Variants in HIF3A observed in about 807,000 individuals in gnomAD.
HIF3A encodes the protein hypoxia inducible factor 3 subunit alpha.
A neutral mutation model predicts 67.2 loss-of-function variants in HIF3A; 41 were observed. The ratio of observed to expected loss-of-function variants is 0.61; its 90% CI spans 0.48 to 0.79. The LOEUF (loss-of-function observed/expected upper bound fraction) is 0.79, where lower values mean the gene tolerates loss of function less well. HIF3A is among the 30% of genes least tolerant of loss of function. The pLI, the probability that HIF3A is intolerant of heterozygous loss-of-function variation, is 0.00. For synonymous variants in HIF3A, 356 were observed against 374.8 expected (o/e 0.95, Z 0.58); for missense variants, 855 against 898.0 (o/e 0.95, Z 0.61).
At chr19:46,304,978 C>T in intron 2 of HIF3A, 1 of 550,918 alleles carries the variant, frequency 1.8e-6, no homozygotes. Context: ...GGAGGCCCAC[C>T]CACATCCTTA....
chr19:46,343,275 G>A lies in HIF3A; in HGVS notation c.*3653G>A, dbSNP rs900491330. 3 of 152,694 alleles carry A rather than the reference G, an allele frequency of 2.0e-5. No homozygotes were observed. The highest frequency in any genetic ancestry group is 7.2e-5 in the African/African-American group (3 of 41,442). 9.5% of individuals were successfully genotyped at this position (152,694 alleles called of 1,614,324 possible). A position where few individuals can be genotyped will look rare whatever the true frequency, so the allele number is the denominator to read the frequency against. ...GCCTATCCAGATTGGTGCTATGGGG[G>A]GGTCTGACCCCTCCCTCCTCCCTCT... On this transcript the variant is annotated 3_prime_UTR_variant, in exon 15 of 15. Coordinates refer to ENST00000377670, the MANE Select transcript of HIF3A (RefSeq NM_152795.4).
chr19:46,324,985 T>TTGTGTGTGTGTGTGTGTGTG (rs542186240), intron 10 of HIF3A, among the ~76,000 whole-genome samples: 4 of 127,928 alleles, frequency 3.1e-5, no homozygotes, highest in African/African-American at 1.2e-4. Context: ...CACACATATA[T>TTGTGTGTGTGTGTGTGTGTG]TGTGTGTGTG....
Position 46,329,478 on chromosome 19 carries a change from G to T in HIF3A, c.1712G>T (p.Arg571Met). 6.6e-7 allele frequency: 1 copy of T among 1,511,826 alleles called. No individual in the cohort carries two copies. Among genetic ancestry groups the T allele is most frequent in the Non-Finnish European group, 8.9e-7 (1 of 1,129,650 alleles). The allele number at this position is 1,511,826 out of a possible 1,614,324, so 93.7% of individuals were successfully genotyped here. A position where few individuals can be genotyped will look rare whatever the true frequency, so the allele number is the denominator to read the frequency against. ...TCTCCCATGGCTGGGGCTCGGAAGA[G>T]GTGAGCCACAGTAAAGGGGGGACAT... ...ASSPMAGARK[R>M]TLAQSSEDED... is the part of the protein sequence containing the mutation. Residue 571 changes from arginine (R) to methionine (M), a missense_variant and splice_region_variant, in exon 12 of 15, where the codon AGG (arginine) becomes ATG (methionine). By Grantham distance (91) the Arg-to-Met change is moderately conservative. Transcript: ENST00000377670.
rs12986390 is a variant in HIF3A at position 46,336,086 on chromosome 19, T to C, written c.1912+1100T>C. On this transcript the variant is annotated intron_variant, in intron 14 of 14. Coordinates refer to ENST00000377670, the MANE Select transcript of HIF3A (RefSeq NM_152795.4). ...TTTATTTTCTTTCTCTCTCTCTCTC[T>C]TTTTTTTTTTTTTTTTTTTTTTTTT... 2.5e-3 allele frequency among the ~76,000 whole-genome samples: 147 copies of C among 57,774 alleles called. 1 individual carries two copies. The highest frequency in any genetic ancestry group is 0.012 in the African/African-American group (139 of 11,214). The allele number at this position is 57,774 out of a possible 152,430, so 37.9% of individuals were successfully genotyped here. A position where few individuals can be genotyped will look rare whatever the true frequency, so the allele number is the denominator to read the frequency against.
rs549085185 is a variant in HIF3A, at chr19:46,299,090, G to A, written c.26+1988G>A. ...CATTCTCAGGCCTCACCCTGAGCCCGCCAGGCCCTGGCCCCACCCCCTGTT... is the reference window on the plus strand; with the variant it reads ...CATTCTCAGGCCTCACCCTGAGCCCACCAGGCCCTGGCCCCACCCCCTGTT... On this transcript the variant is annotated intron_variant, in intron 1 of 14. Coordinates refer to ENST00000377670, the MANE Select transcript of HIF3A (RefSeq NM_152795.4). 1.3e-3 allele frequency among the ~76,000 whole-genome samples: 204 copies of A among 152,330 alleles called. 2 individuals carry two copies. Among genetic ancestry groups the A allele is most frequent in the East Asian group, 1.2e-3 (6 of 5,184 alleles).
At chr19:46,310,915 T>C (rs1459571763) in intron 6 of HIF3A, among the ~76,000 whole-genome samples, 3 of 152,146 alleles carry the variant, frequency 2.0e-5, no homozygotes, top group Admixed American at 2.0e-4. Context: ...CATGCCTGGC[T>C]ACTTTTTGTA....
intron 1 of HIF3A, among the ~76,000 whole-genome samples, chr19:46,298,726 G>C (rs1391817947): frequency 1.3e-5 from 2 of 152,068 alleles, no homozygotes; most frequent in Non-Finnish European, 2.9e-5. Flanking sequence ...AGGCAGAGTC[G>C]GGGGGCAGAG....
chr19:46,321,452 C>T (rs537882267), intron 9 of HIF3A, among the ~76,000 whole-genome samples: 2 of 152,090 alleles, frequency 1.3e-5, no homozygotes, highest in Non-Finnish European at 2.9e-5. Context: ...GGTGTGATGG[C>T]GGGCACCTGT....
At position 46,309,320 on chromosome 19, in the gene HIF3A, G is replaced by A. The variant is rs573123002; in HGVS notation, c.731G>A (p.Arg244His). 27 of 1,612,578 alleles carry A rather than the reference G, an allele frequency of 1.7e-5. No homozygotes were observed. The highest frequency in any genetic ancestry group is 6.7e-5 in the African/African-American group (5 of 75,014). Residue 244 changes from arginine to histidine, a missense_variant, in exon 6 of 15, where the codon CGC (arginine) becomes CAC (histidine). By Grantham distance (29) the Arg-to-His change is conservative. Transcript: ENST00000377670. ...CTGGGCCGAGGGGCCTTCCTCAGCC[G>A]CCACAGCCTGGACATGAAGTTCACC... Reference protein sequence around the residue: ...PPLGRGAFLSRHSLDMKFTYC... With the variant: ...PPLGRGAFLSHHSLDMKFTYC...
chr19:46,308,722 A>G lies in HIF3A; in HGVS notation c.508A>G (p.Ser170Gly), dbSNP rs761317379. Residue 170 changes from serine (S) to glycine (G), a missense_variant, in exon 5 of 15, where the codon AGT becomes GGT. Transcript: ENST00000377670. ...TERCFSLRMKSTLTSRGRTLN... is the reference protein window; with the variant it reads ...TERCFSLRMKGTLTSRGRTLN... ...GCGGTGCTTCTCCTTGCGCATGAAGAGTACACTCACCAGCCGCGGGCGCAC... is the reference window on the plus strand; with the variant it reads ...GCGGTGCTTCTCCTTGCGCATGAAGGGTACACTCACCAGCCGCGGGCGCAC... 6.2e-7 allele frequency: 1 copy of G among 1,611,592 alleles called. No homozygotes were observed. Among genetic ancestry groups the G allele is most frequent in the South Asian group, 1.1e-5 (1 of 90,642 alleles).
At chr19:46,338,893 A>G (rs1414612338) in intron 14 of HIF3A, among the ~76,000 whole-genome samples, 1 of 152,220 alleles carries the variant, frequency 6.6e-6, no homozygotes, top group Non-Finnish European at 1.5e-5. Context: ...TTGAATCCAG[A>G]CAGGCTTGCC....
rs896345459 is a variant in HIF3A at position 46,305,307 on chromosome 19, G to A, written c.280G>A (p.Glu94Lys). Residue 94 changes from glutamate (E) to lysine (K), a missense_variant, in exon 3 of 15, where the codon GAG becomes AAG. By Grantham distance (56) the Glu-to-Lys change is moderately conservative (BLOSUM62 1). Transcript: ENST00000377670. The part of the protein sequence containing the change: ...PLDACYLKAL[E>K]GFVMVLTAEG... Reference sequence around the variant, plus strand: ...GGATGCCTGCTACCTGAAGGCCCTGGAGGGCTTCGTCATGGTGCTCACCGC... The same window carrying A: ...GGATGCCTGCTACCTGAAGGCCCTGAAGGGCTTCGTCATGGTGCTCACCGC... 6.2e-7 allele frequency: 1 copy of A among 1,614,142 alleles called. No individual in the cohort carries two copies. Among genetic ancestry groups the A allele is most frequent in the Admixed American group, 1.7e-5 (1 of 60,016 alleles).
rs148229155 is a variant in HIF3A at position 46,327,660 on chromosome 19, G to C, written c.1441-1547G>C. On this transcript the variant is annotated intron_variant, in intron 11 of 14. Coordinates refer to ENST00000377670, the MANE Select transcript of HIF3A (RefSeq NM_152795.4). ...CTTCTGACATCAGACACAAGTTTGA[G>C]GGTCCCCAGGGTCACCCTTACTTTA... Among the ~76,000 whole-genome samples, 210 of 152,238 alleles carry C rather than the reference G, an allele frequency of 1.4e-3. 1 individual carries two copies. The highest frequency in any genetic ancestry group is 4.8e-3 in the African/African-American group (200 of 41,542).
intron 9 of HIF3A, 133 bp from the exon 10 acceptor site, chr19:46,321,643 C>T: frequency 1.3e-6 from 1 of 779,028 alleles, no homozygotes; most frequent in Non-Finnish European, 2.1e-6. Flanking sequence ...CCTTCCTTAC[C>T]CTCTCACTAA....
chr19:46,312,149 C>G lies in HIF3A; in HGVS notation c.771-12C>G. On this transcript the variant is annotated splice_polypyrimidine_tract_variant and intron_variant, in intron 6 of 14. Coordinates refer to ENST00000377670, the MANE Select transcript of HIF3A (RefSeq NM_152795.4). ...AGCATCCTGACCAGACCCCACTCCG[C>G]CCCACCCCCAGGATTGCAGAAGTGG... 6.2e-7 allele frequency: 1 copy of G among 1,610,842 alleles called. No homozygotes were observed. Among genetic ancestry groups the G allele is most frequent in the Non-Finnish European group, 8.5e-7 (1 of 1,177,054 alleles).
Position 46,319,786 on chromosome 19 carries a change from C to T in HIF3A, c.1026-657C>T, listed in dbSNP as rs191081623. 2.0e-5 allele frequency among the ~76,000 whole-genome samples: 3 copies of T among 152,212 alleles called. No homozygotes were observed. The East Asian group carries it at 5.8e-4, about 29-fold the overall frequency. On this transcript the variant is annotated intron_variant, in intron 8 of 14. Coordinates refer to ENST00000377670, the MANE Select transcript of HIF3A (RefSeq NM_152795.4). Reference sequence around the variant, plus strand: ...CCTCCTCTCTCTGTTCCTAGGTCTCCTCCCGCTTCTGTCTTTCAGTGCCGC... The same window carrying T: ...CCTCCTCTCTCTGTTCCTAGGTCTCTTCCCGCTTCTGTCTTTCAGTGCCGC...
chr19:46,339,619 C>A lies in HIF3A; in HGVS notation c.2007C>A (p.Asp669Glu). 6.3e-7 allele frequency: 1 copy of A among 1,597,174 alleles called. No individual in the cohort carries two copies. The highest frequency in any genetic ancestry group is 8.5e-7 in the Non-Finnish European group (1 of 1,170,924). ...CAAGGGCAGGCTCAGCCCAGGCTGA[C>A]TGAGCCGGCTCCTCTCCCCATCTGC... ...FQPRAGSAQA[D>E] is the part of the protein sequence containing the mutation. Residue 669 changes from aspartate (D) to glutamate (E), a missense_variant, in exon 15 of 15, where the codon GAC becomes GAA. Asp to Glu is a conservative substitution (Grantham distance 45). Coordinates refer to ENST00000377670, the MANE Select transcript of HIF3A (RefSeq NM_152795.4).
chr19:46,299,620 G>A (rs1050947752), intron 1 of HIF3A, among the ~76,000 whole-genome samples: 8 of 151,570 alleles, frequency 5.3e-5, no homozygotes, highest in Non-Finnish European at 1.5e-5. Flanking sequence ...GCTGAGGTGG[G>A]AGGATGGCTT....
intron 1 of HIF3A, among the ~76,000 whole-genome samples, chr19:46,298,818 C>T (rs1322845969): frequency 6.6e-6 from 1 of 152,162 alleles, no homozygotes; most frequent in Non-Finnish European, 1.5e-5. Context: ...CTCTGCAATG[C>T]CAAAAGGCAT....
Sources: gnomAD v4.1 joint callset for allele counts (sites outside exome capture counted in the v4.1 genomes callset) on GRCh38, gnomAD v4.1.1 for gene constraint, MANE v1.5 for transcripts, NCBI Gene and HGNC (gene_info 2026-07-23, HGNC 2026-07-21) for gene names.